The following WDR82 variants were observed in gnomAD, a reference collection of about 807,000 sequenced individuals.
WDR82 encodes the protein WD repeat domain 82.
WDR82 carries 8 observed loss-of-function variants against 36.1 expected under a neutral mutation model. The ratio of observed to expected loss-of-function variants is 0.22; its 90% CI spans 0.13 to 0.40. The LOEUF (loss-of-function observed/expected upper bound fraction) is 0.40. Among genes scored for constraint, WDR82 ranks in the 10% least tolerant of loss-of-function variants. The probability of loss-of-function intolerance (pLI) is 1.00; values close to 1 mark genes in which losing one functional copy is unlikely to be tolerated. For synonymous variants in WDR82, 129 were observed against 137.8 expected (o/e 0.94, Z 0.45); for missense variants, 185 against 400.5 (o/e 0.46, Z 4.59).
intron 2 of WDR82, chr3:52,268,472 C>A (rs564699743): frequency 5.5e-6 from 2 of 364,956 alleles, no homozygotes; most frequent in Non-Finnish European, 1.2e-5. Flanking sequence ...ACAAGTGCCA[C>A]ACATTTGCCT....
intron 2 of WDR82, chr3:52,267,303 C>T (rs1700114394): frequency 3.4e-6 from 1 of 296,702 alleles, no homozygotes; most frequent in African/African-American, 2.3e-5. Flanking sequence ...CAACTCCCAC[C>T]CTGCAAATAT....
intron 4 of WDR82, among the ~76,000 whole-genome samples, chr3:52,260,989 G>A (rs1700056322): frequency 6.6e-6 from 1 of 152,316 alleles, no homozygotes; most frequent in South Asian, 2.1e-4. Flanking sequence ...GCCAGACATG[G>A]TGGTGCATGA....
In WDR82 at chr3:52,257,091, C is replaced by A; in HGVS notation, c.*399G>T. 1 of 197,842 alleles carries A rather than the reference C, an allele frequency of 5.1e-6. No homozygotes were observed. The highest frequency in any genetic ancestry group is 1.0e-5 in the Non-Finnish European group (1 of 96,650). 12.3% of individuals were successfully genotyped at this position (197,842 alleles called of 1,614,324 possible). On this transcript the variant is annotated 3_prime_UTR_variant, in exon 9 of 9. Coordinates refer to ENST00000296490, the MANE Select transcript of WDR82 (RefSeq NM_025222.4). ...CTGAGCTGCCCAAGCATTTCAAAACCAGGACTTTGGCTTCCCATGCAGTTG... is the reference window on the plus strand; with the variant it reads ...CTGAGCTGCCCAAGCATTTCAAAACAAGGACTTTGGCTTCCCATGCAGTTG...
At chr3:52,267,122 A>G in intron 2 of WDR82, 104 bp from the exon 3 acceptor site, 1 of 876,736 alleles carries the variant, frequency 1.1e-6, no homozygotes, top group Non-Finnish European at 1.8e-6. Context: ...ATTGTATTCT[A>G]TATCCCAAGC....
Position 52,259,250 on chromosome 3 carries a change from T to G in WDR82, c.716A>C (p.Lys239Thr). 1 of 1,614,230 alleles carries G rather than the reference T, an allele frequency of 6.2e-7. No homozygotes were observed. The highest frequency in any genetic ancestry group is 8.5e-7 in the Non-Finnish European group (1 of 1,180,040). The change falls in exon 7 of 9, where the codon AAA (lysine) becomes ACA (threonine). Residue 239 changes from lysine to threonine, a missense_variant. Physicochemically the swap from Lys to Thr is moderately conservative, Grantham distance 78 (BLOSUM62 -1). Coordinates refer to ENST00000296490, the MANE Select transcript of WDR82 (RefSeq NM_025222.4). ...MHTFGGYANS[K>T]AVTLEASFTP... Reference sequence around the variant, plus strand: ...AAATGAAGCCTCCAGTGTGACAGCTTTGCTGTTGGCATAACCCTAAAACAA... The same window carrying G: ...AAATGAAGCCTCCAGTGTGACAGCTGTGCTGTTGGCATAACCCTAAAACAA...
rs1488354672 is a variant in WDR82 at position 52,260,399 on chromosome 3, G to A, written c.529C>T (p.Arg177Cys). ...CAAAGATTTACCTTATCAAAAGAAC[G>A]AAGGTCATAAAGCTTGACCATTTCA... Reference protein sequence around the residue: ...NSEMVKLYDLRSFDKGPFATF... With the variant: ...NSEMVKLYDLCSFDKGPFATF... Residue 177 changes from arginine to cysteine, a missense_variant, in exon 5 of 9, where the codon CGT becomes TGT. By Grantham distance (180) the Arg-to-Cys change is radical. Transcript: ENST00000296490. 1.3e-6 allele frequency: 2 copies of A among 1,562,960 alleles called. No homozygotes were observed. Among genetic ancestry groups the A allele is most frequent in the Non-Finnish European group, 1.7e-6 (2 of 1,162,440 alleles).
At chr3:52,275,798 C>T (rs1462933775) in intron 1 of WDR82, among the ~76,000 whole-genome samples, 2 of 152,152 alleles carry the variant, frequency 1.3e-5, no homozygotes, top group Non-Finnish European at 2.9e-5. Context: ...GCAGGAGAAT[C>T]GCTTGAACCC....
At position 52,259,887 on chromosome 3, in the gene WDR82, A is replaced by G. The variant is rs777300940; in HGVS notation, c.544-15T>C. On this transcript the variant is annotated splice_polypyrimidine_tract_variant and intron_variant, in intron 5 of 8. Coordinates refer to ENST00000296490, the MANE Select transcript of WDR82 (RefSeq NM_025222.4). Reference sequence around the variant, plus strand: ...GCAAATGGCCCCTGCAAAAGATAAAAAACAGTAGCCCCAGGCATATTAATA... The same window carrying G: ...GCAAATGGCCCCTGCAAAAGATAAAGAACAGTAGCCCCAGGCATATTAATA... 1 of 1,608,798 alleles carries G rather than the reference A, an allele frequency of 6.2e-7. No individual in the cohort carries two copies. Among genetic ancestry groups the G allele is most frequent in the Non-Finnish European group, 8.5e-7 (1 of 1,177,372 alleles).
chr3:52,268,063 T>C (rs1700121914), intron 2 of WDR82: 5 of 263,682 alleles, frequency 1.9e-5, no homozygotes, highest in Non-Finnish European at 3.9e-5. Flanking sequence ...TAGGGATATT[T>C]GTATATTCCA....
intron 3 of WDR82, among the ~76,000 whole-genome samples, chr3:52,264,910 C>T (rs1490407951): frequency 6.6e-6 from 1 of 152,114 alleles, no homozygotes; most frequent in African/African-American, 2.4e-5. Flanking sequence ...CTCACCTCAG[C>T]CTCCCAAAGT....
rs1350054504 is a variant in WDR82, at chr3:52,278,627, TG to T, written c.-267del. On this transcript the variant is annotated 5_prime_UTR_variant, in exon 1 of 9. Coordinates refer to ENST00000296490, the MANE Select transcript of WDR82 (RefSeq NM_025222.4). ...CGCCGGCTCATTGTGTCCGCCATTTTGGGGCGACAGGCAGAAGCTGAGGGCG... is the reference window on the plus strand; with the variant it reads ...CGCCGGCTCATTGTGTCCGCCATTTTGGGCGACAGGCAGAAGCTGAGGGCG... 5.1e-6 allele frequency: 2 copies of T among 395,356 alleles called. No individual in the cohort carries two copies. Among genetic ancestry groups the T allele is most frequent in the African/African-American group, 4.2e-5 (2 of 48,070 alleles). 24.5% of individuals were successfully genotyped at this position (395,356 alleles called of 1,614,324 possible). A position where few individuals can be genotyped will look rare whatever the true frequency, so the allele number is the denominator to read the frequency against.
At chr3:52,271,197 C>G (rs149425116) in intron 1 of WDR82, among the ~76,000 whole-genome samples, 1 of 152,150 alleles carries the variant, frequency 6.6e-6, no homozygotes. Context: ...CCTCTACAAC[C>G]GATGTTTCAT....
In WDR82 at chr3:52,255,669, G is replaced by C. The variant is rs1248733277; in HGVS notation, c.*1821C>G. ...TTCCTGCCCGCTGAACAGAAATTGT[G>C]ATGCCTTGATTTACCCCCTAGCAGC... On this transcript the variant is annotated 3_prime_UTR_variant, in exon 9 of 9. Transcript: ENST00000296490. The C allele has an allele frequency of 6.6e-6, 1 of 152,088 alleles. No individual in the cohort carries two copies. The highest frequency in any genetic ancestry group is 2.4e-5 in the African/African-American group (1 of 41,392). The allele number at this position is 152,088 out of a possible 1,614,324, so 9.4% of individuals were successfully genotyped here.
chr3:52,264,259 A>G (rs537113295), intron 3 of WDR82, among the ~76,000 whole-genome samples: 54 of 152,322 alleles, frequency 3.5e-4, no homozygotes, highest in African/African-American at 1.3e-3. Context: ...AGCCACCTGA[A>G]TGGAGGTAAA....
At position 52,259,747 on chromosome 3, in the gene WDR82, T is replaced by G; in HGVS notation, c.669A>C (p.Ala223=). The G allele has an allele frequency of 6.2e-7, 1 of 1,614,058 alleles. No homozygotes were observed. ...ATGTGTGCATCACCACTCCTTTGAATGCATCAATCAGACGAATGAAGCTGC... is the reference window on the plus strand; with the variant it reads ...ATGTGTGCATCACCACTCCTTTGAAGGCATCAATCAGACGAATGAAGCTGC... The part of the protein sequence containing the change: ...TNGSFIRLID[A]FKGVVMHTFG... The change falls in exon 6 of 9, where the codon GCA becomes GCC. Residue 223 remains alanine (A), a synonymous_variant. Transcript: ENST00000296490.
At chr3:52,257,575 G>C in intron 8 of WDR82, 56 bp from the exon 9 acceptor site, 2 of 1,610,386 alleles carry the variant, frequency 1.2e-6, no homozygotes, top group Non-Finnish European at 1.7e-6. Context: ...CACTGCCAAC[G>C]GTTCTTCACA....
Position 52,261,371 on chromosome 3 carries a change from T to C in WDR82, c.426+9A>G. ...ATGCTCAAAAAGTATAACTGTGAGG[T>C]ACCATTACCTGGCAGTTAGGAGACC... On this transcript the variant is annotated intron_variant, in intron 4 of 8. Transcript: ENST00000296490. The C allele has an allele frequency of 6.2e-7, 1 of 1,608,356 alleles. No homozygotes were observed. Among genetic ancestry groups the C allele is most frequent in the Non-Finnish European group, 8.5e-7 (1 of 1,177,294 alleles).
At position 52,255,170 on chromosome 3, in the gene WDR82, G is replaced by C. The variant is rs1164834105; in HGVS notation, c.*2320C>G. On this transcript the variant is annotated 3_prime_UTR_variant, in exon 9 of 9. Transcript: ENST00000296490. ...TTGGTCAGGCTGGTCTCAAACTCCC[G>C]ACCTCCGGTGATCCGCCCGCCTCGG... 1 of 152,076 alleles carries C rather than the reference G, an allele frequency of 6.6e-6. No homozygotes were observed. Among genetic ancestry groups the C allele is most frequent in the African/African-American group, 2.4e-5 (1 of 41,390 alleles). 9.4% of individuals were successfully genotyped at this position (152,076 alleles called of 1,614,324 possible). A position where few individuals can be genotyped will look rare whatever the true frequency, so the allele number is the denominator to read the frequency against.
At chr3:52,271,582 GCT>G (rs1370293515) in intron 1 of WDR82, among the ~76,000 whole-genome samples, 4 of 145,298 alleles carry the variant, frequency 2.8e-5, no homozygotes, top group African/African-American at 8.2e-5. Flanking sequence ...TTAGAAAGAA[GCT>G]CTGTGTTTTT....
Sources: gnomAD v4.1 joint callset for allele counts (sites outside exome capture counted in the v4.1 genomes callset) on GRCh38, gnomAD v4.1.1 for gene constraint, MANE v1.5 for transcripts, NCBI Gene and HGNC (gene_info 2026-07-23, HGNC 2026-07-21) for gene names.